Variants in DPP6 observed in about 807,000 individuals in gnomAD.
DPP6 encodes dipeptidyl peptidase like 6, also known as A-type potassium channel modulatory protein DPP6.
In DPP6, 69 loss-of-function variants were observed where a neutral mutation model predicts 122.6. That is an observed-to-expected ratio of 0.56 (90% CI 0.46 to 0.69). DPP6 has a LOEUF of 0.69. Among genes scored for constraint, DPP6 ranks in the 30% least tolerant of loss-of-function variants. The pLI is 0.00. For synonymous variants in DPP6, 418 were observed against 433.1 expected, an observed-to-expected ratio of 0.97 and a Z score of 0.43; for missense variants, 928 against 1,116.9, an observed-to-expected ratio of 0.83 and a Z score of 2.41.
At chr7:153,977,203 G>A (rs1359809542) in intron 1 of DPP6, among the ~76,000 whole-genome samples, 5 of 151,294 alleles carry the variant, frequency 3.3e-5, no homozygotes, top group Admixed American at 3.3e-4. Context: ...ATAGGGGTGT[G>A]TGTGTGTGTG....
the DPP6 span, among the ~76,000 whole-genome samples, chr7:153,809,400 C>T: frequency 2.0e-5 from 3 of 152,230 alleles, no homozygotes; most frequent in East Asian, 1.9e-4. Flanking sequence ...TGTGACCCAG[C>T]GCTGTGCCTA....
intron 22 of DPP6, among the ~76,000 whole-genome samples, chr7:154,886,747 A>G (rs1806184007): frequency 6.6e-6 from 1 of 152,088 alleles, no homozygotes. Context: ...CCCCATTGCC[A>G]CACCTAGCCC....
chr7:154,266,404 C>A (rs781093056), intron 1 of DPP6, among the ~76,000 whole-genome samples: 12 of 152,078 alleles, frequency 7.9e-5, no homozygotes, highest in Non-Finnish European at 1.6e-4. Context: ...CCCAAAGTGA[C>A]CCCATCTCTA....
intron 1 of DPP6, among the ~76,000 whole-genome samples, chr7:153,938,811 C>G (rs1026185235): frequency 6.6e-6 from 1 of 152,208 alleles, no homozygotes; most frequent in Admixed American, 6.5e-5. Context: ...AGGAGCCTTG[C>G]TAAGCTGCCT....
At chr7:154,369,910 CATT>C (rs1474010037) in intron 1 of DPP6, among the ~76,000 whole-genome samples, 1 of 152,144 alleles carries the variant, frequency 6.6e-6, no homozygotes, top group African/African-American at 2.4e-5. Context: ...TCAGGTGTCT[CATT>C]GTTATAATCC....
At chr7:154,788,025 G>A (rs1245256481) in intron 10 of DPP6, among the ~76,000 whole-genome samples, 3 of 152,114 alleles carry the variant, frequency 2.0e-5, no homozygotes, top group African/African-American at 7.2e-5. Flanking sequence ...TCATCAAATT[G>A]ATAGTAGTTT....
At chr7:154,433,499 G>A (rs1279688195) in intron 1 of DPP6, among the ~76,000 whole-genome samples, 1 of 151,784 alleles carries the variant, frequency 6.6e-6, no homozygotes, top group African/African-American at 2.4e-5. Context: ...GCGTGTACTG[G>A]GCACATTGTG....
chr7:153,892,332 G>A (rs1270220824), intron 1 of DPP6, among the ~76,000 whole-genome samples: 3 of 150,476 alleles, frequency 2.0e-5, no homozygotes, highest in Non-Finnish European at 4.4e-5. Context: ...TTTTTTTTCT[G>A]AGATGGAGTC....
chr7:153,846,983 G>C, the DPP6 span, among the ~76,000 whole-genome samples: 1 of 152,040 alleles, frequency 6.6e-6, no homozygotes, highest in Non-Finnish European at 1.5e-5. Flanking sequence ...CACCGTGCCT[G>C]GCTGGTTCTT....
intron 1 of DPP6, among the ~76,000 whole-genome samples, chr7:153,905,920 C>A (rs1399472400): frequency 6.6e-6 from 1 of 152,084 alleles, no homozygotes; most frequent in Non-Finnish European, 1.5e-5. Flanking sequence ...AATAGCGAAG[C>A]CATAGGAAGA....
At chr7:153,764,346 C>T in the DPP6 span, among the ~76,000 whole-genome samples, 1 of 150,028 alleles carries the variant, frequency 6.7e-6, no homozygotes, top group African/African-American at 2.5e-5. Flanking sequence ...CTGTTCCTTG[C>T]TCCTCCTCTG....
At chr7:154,389,369 A>C (rs1264183409) in intron 1 of DPP6, among the ~76,000 whole-genome samples, 1 of 152,204 alleles carries the variant, frequency 6.6e-6, no homozygotes, top group Non-Finnish European at 1.5e-5. Context: ...TTCAGGCTGA[A>C]AACAGTAAAT....
At chr7:154,079,499 A>C (rs1307731222) in intron 1 of DPP6, among the ~76,000 whole-genome samples, 3 of 152,190 alleles carry the variant, frequency 2.0e-5, no homozygotes, top group Non-Finnish European at 4.4e-5. Flanking sequence ...ACGAGAGGCA[A>C]GGTGGAGCCT....
intron 1 of DPP6, among the ~76,000 whole-genome samples, chr7:153,954,734 G>GCAGA (rs1802378877): frequency 6.6e-6 from 1 of 152,186 alleles, no homozygotes; most frequent in South Asian, 2.1e-4. Flanking sequence ...GAATTCTCCA[G>GCAGA]CAGACGGCCT....
intron 1 of DPP6, among the ~76,000 whole-genome samples, chr7:154,060,687 CG>C (rs1801672427): frequency 8.9e-6 from 1 of 111,788 alleles, no homozygotes; most frequent in Non-Finnish European, 1.9e-5. Context: ...TCCCCTCTTC[CG>C]CCCCTGGCTG....
chr7:154,708,853 G>A (rs1236486132), intron 7 of DPP6, among the ~76,000 whole-genome samples: 1 of 152,120 alleles, frequency 6.6e-6, no homozygotes, highest in Non-Finnish European at 1.5e-5. Flanking sequence ...TTCGAGACCA[G>A]CCTGGCCACC....
intron 1 of DPP6, among the ~76,000 whole-genome samples, chr7:153,969,819 A>G (rs1795941161): frequency 6.6e-6 from 1 of 151,238 alleles, no homozygotes; most frequent in African/African-American, 2.5e-5. Flanking sequence ...GCTTCCCTCT[A>G]TCTTTTTACA....
chr7:154,153,953 C>A (rs996482457), intron 1 of DPP6, among the ~76,000 whole-genome samples: 2 of 152,132 alleles, frequency 1.3e-5, no homozygotes, highest in African/African-American at 4.8e-5. Context: ...TTGGTTAGAG[C>A]ATTTAGAGTT....
At position 154,311,497 on chromosome 7, in the gene DPP6, C is replaced by CAAAAA. The variant is rs1423467022; in HGVS notation, c.244-134716_244-134715insAAAAA. 4.5e-3 allele frequency among the ~76,000 whole-genome samples: 520 copies of CAAAAA among 116,628 alleles called. 5 individuals carry two copies. Among genetic ancestry groups the CAAAAA allele is most frequent in the African/African-American group, 0.018 (489 of 27,224 alleles). The allele number at this position is 116,628 out of a possible 152,430, so 76.5% of individuals were successfully genotyped here. On this transcript the variant is annotated intron_variant, in intron 1 of 25. Transcript: ENST00000377770. The stretch of plus-strand genomic sequence containing the variant: ...GGGCAATGGAGTGAAACCCTGTCTC[C>CAAAAA]ACAAAAAAAAAAAAGAAAAAGAAAA...
Sources: allele counts gnomAD v4.1 joint callset (sites outside exome capture counted in the v4.1 genomes callset), GRCh38; gene constraint gnomAD v4.1.1; transcripts MANE v1.5; gene names NCBI Gene and HGNC (gene_info 2026-07-23, HGNC 2026-07-21).